The following PTPRJ variants were observed in gnomAD, a reference collection of about 807,000 sequenced individuals.
The protein encoded by PTPRJ is receptor-type tyrosine-protein phosphatase eta.
PTPRJ carries 129 observed loss-of-function variants against 141.3 expected under a neutral mutation model. The ratio of observed to expected loss-of-function variants is 0.91; its 90% CI spans 0.79 to 1.06. PTPRJ has a LOEUF of 1.06. PTPRJ is among the 50% of genes least tolerant of loss of function. The pLI is 0.00. For missense variants in PTPRJ, 1,601 were observed against 1,679.7 expected, an observed-to-expected ratio of 0.95 and a Z score of 0.82; for synonymous variants, 610 against 640.5, an observed-to-expected ratio of 0.95 and a Z score of 0.72.
rs368874637 is a variant in PTPRJ at position 48,008,494 on chromosome 11, G to A, written c.96+27486G>A. On this transcript the variant is annotated intron_variant, in intron 1 of 24. Coordinates refer to ENST00000418331, the MANE Select transcript of PTPRJ (RefSeq NM_002843.4). Reference sequence around the variant, plus strand: ...AGGCTGGTCTTGAACTTCTGACCTCGTGATCCAACTGCCTCGGCCTCCCAA... The same window carrying A: ...AGGCTGGTCTTGAACTTCTGACCTCATGATCCAACTGCCTCGGCCTCCCAA... 7.9e-5 allele frequency among the ~76,000 whole-genome samples: 12 copies of A among 151,260 alleles called. No individual in the cohort carries two copies. In the East Asian group the frequency reaches 1.6e-3, roughly 20 times the overall value.
chr11:48,006,218 T>C (rs1854616361), intron 1 of PTPRJ, among the ~76,000 whole-genome samples: 1 of 152,154 alleles, frequency 6.6e-6, no homozygotes, highest in Non-Finnish European at 1.5e-5. Context: ...GAGCATCACT[T>C]TCCTCATCTG....
At chr11:48,003,219 C>T (rs972515451) in intron 1 of PTPRJ, among the ~76,000 whole-genome samples, 3 of 152,024 alleles carry the variant, frequency 2.0e-5, no homozygotes, top group Non-Finnish European at 4.4e-5. Context: ...TAGCCTTTTT[C>T]GTATTTAGAG....
chr11:48,154,024 C>T, intron 19 of PTPRJ, 138 bp downstream of exon 19: 1 of 692,708 alleles, frequency 1.4e-6, no homozygotes, highest in Non-Finnish European at 2.6e-6. Flanking sequence ...CCACAACCAT[C>T]CATTATTCAC....
At chr11:48,095,122 G>C (rs1012020541) in intron 1 of PTPRJ, among the ~76,000 whole-genome samples, 1 of 152,238 alleles carries the variant, frequency 6.6e-6, no homozygotes, top group Non-Finnish European at 1.5e-5. Context: ...ATTCTGTCCA[G>C]TGTCTATTCA....
chr11:48,038,592 AG>A (rs1195582843), intron 1 of PTPRJ, among the ~76,000 whole-genome samples: 1 of 151,902 alleles, frequency 6.6e-6, no homozygotes, highest in Admixed American at 6.6e-5. Context: ...CCCGGATTCA[AG>A]TGAATCTTCT....
chr11:48,116,129 T>C (rs1398434293), intron 3 of PTPRJ, among the ~76,000 whole-genome samples: 2 of 147,640 alleles, frequency 1.4e-5, no homozygotes, highest in African/African-American at 4.9e-5. Flanking sequence ...AGTGCGTGAA[T>C]GGGTTAAAAA....
Position 48,101,758 on chromosome 11 carries a change from C to T in PTPRJ, c.97-8300C>T, listed in dbSNP as rs569458825. Among the ~76,000 whole-genome samples, 7 of 152,236 alleles carry T rather than the reference C, an allele frequency of 4.6e-5. No individual in the cohort carries two copies. The South Asian group carries it at 6.2e-4, about 14-fold the overall frequency. On this transcript the variant is annotated intron_variant, in intron 1 of 24. Transcript: ENST00000418331. The stretch of plus-strand genomic sequence containing the variant: ...GTTTTTATCCGTATTCTAAGGTGGA[C>T]GAGCGGCGCAGGAGAGAACTGGTAG...
rs773858353 is a variant in PTPRJ at position 48,119,969 on chromosome 11, C to T, written c.353-1034C>T. ...AACCCTGATGGCTTCCACTGGTTTA[C>T]GATCTTGTACATCTAAGATGATGAA... On this transcript the variant is annotated intron_variant, in intron 3 of 24. Transcript: ENST00000418331. Among the ~76,000 whole-genome samples the T allele has an allele frequency of 3.9e-5, 6 of 152,136 alleles. No homozygotes were observed. The South Asian group carries it at 8.3e-4, about 21-fold the overall frequency.
chr11:48,017,695 C>G (rs577371110), intron 1 of PTPRJ, among the ~76,000 whole-genome samples: 3 of 152,212 alleles, frequency 2.0e-5, no homozygotes, highest in African/African-American at 7.2e-5. Context: ...CTGCATGCAC[C>G]GTGTTTGTGG....
Position 48,139,498 on chromosome 11 carries a change from T to C in PTPRJ, c.2165T>C (p.Met722Thr), listed in dbSNP as rs1590549504. 6.2e-7 allele frequency: 1 copy of C among 1,613,834 alleles called. No individual in the cohort carries two copies. Among genetic ancestry groups the C allele is most frequent in the Non-Finnish European group, 8.5e-7 (1 of 1,179,694 alleles). Residue 722 changes from methionine (M) to threonine (T), a missense_variant, in exon 11 of 25, where the codon ATG (methionine) becomes ACG (threonine). Met to Thr is a moderately conservative substitution (Grantham distance 81). Transcript: ENST00000418331. Reference protein sequence around the residue: ...RKSFCTDPASMASFDCEVVPK... With the variant: ...RKSFCTDPASTASFDCEVVPK... Reference sequence around the variant, plus strand: ...ACTTGCTTTGCAGATCCTGCGTCCATGGCCTCCTTCGACTGCGAAGTGGTC... The same window carrying C: ...ACTTGCTTTGCAGATCCTGCGTCCACGGCCTCCTTCGACTGCGAAGTGGTC...
At chr11:48,092,402 A>C (rs748030816) in intron 1 of PTPRJ, among the ~76,000 whole-genome samples, 13 of 151,566 alleles carry the variant, frequency 8.6e-5, no homozygotes, top group Middle Eastern at 3.4e-3. Flanking sequence ...TAAGGGTAGC[A>C]TCTTACTTAC....
At chr11:48,161,218 G>C (rs1408715305) in intron 22 of PTPRJ, among the ~76,000 whole-genome samples, 2 of 148,670 alleles carry the variant, frequency 1.3e-5, no homozygotes, top group Non-Finnish European at 3.0e-5. Context: ...GGGATGGGTA[G>C]ACTATATAAT....
intron 18 of PTPRJ, among the ~76,000 whole-genome samples, chr11:48,151,668 A>G (rs566312944): frequency 7.7e-5 from 11 of 142,478 alleles, no homozygotes; most frequent in South Asian, 6.7e-4. Flanking sequence ...TCATTGTTCA[A>G]TTCCCACCTA....
Position 48,142,895 on chromosome 11 carries a change from A to ATGTTTTGTTT in PTPRJ, c.2444-12_2444-3dup, listed in dbSNP as rs759176383. 4 of 1,602,698 alleles carry ATGTTTTGTTT rather than the reference A, an allele frequency of 2.5e-6. No homozygotes were observed. The African/African-American group carries it at 4.0e-5, about 16-fold the overall frequency. ...CTTTGGTTTTCAATATTGGGTGATCATGTTTTGTTTTGTTTTGTTTTAGAT... is the reference window on the plus strand; with the variant it reads ...CTTTGGTTTTCAATATTGGGTGATCATGTTTTGTTTTGTTTTGTTTTGTTTTGTTTTAGAT... On this transcript the variant is annotated intron_variant, in intron 11 of 24. Transcript: ENST00000418331.
intron 1 of PTPRJ, among the ~76,000 whole-genome samples, chr11:48,016,442 T>C (rs756034734): frequency 2.0e-4 from 30 of 152,260 alleles, no homozygotes; most frequent in Non-Finnish European, 3.8e-4. Context: ...AAACTCTGGC[T>C]TGCTGGCATT....
chr11:47,988,685 G>A (rs1198041347), intron 1 of PTPRJ, among the ~76,000 whole-genome samples: 4 of 152,034 alleles, frequency 2.6e-5, no homozygotes, highest in African/African-American at 9.7e-5. Flanking sequence ...TAAATTTCTA[G>A]TTTCAGGATT....
intron 11 of PTPRJ, among the ~76,000 whole-genome samples, chr11:48,142,331 T>C (rs1590552330): frequency 6.6e-6 from 1 of 152,334 alleles, no homozygotes; most frequent in East Asian, 1.9e-4. Context: ...ATTCCTGGTC[T>C]TTGATTGTTC....
In PTPRJ at chr11:48,150,152, A is replaced by C; in HGVS notation, c.3107A>C (p.Asp1036Ala). 1 of 1,614,060 alleles carries C rather than the reference A, an allele frequency of 6.2e-7. No homozygotes were observed. The stretch of plus-strand genomic sequence containing the variant: ...GCCTACTTCAAGAAGCAGCAAGCTG[A>C]CTCCAACTGTGGGTTCGCAGAGGAA... ...FEAYFKKQQA[D>A]SNCGFAEEYE... Residue 1036 changes from aspartate to alanine, a missense_variant, in exon 18 of 25, where the codon GAC becomes GCC. Transcript: ENST00000418331.
chr11:48,149,502 A>G lies in PTPRJ; in HGVS notation c.3041+14A>G. 2 of 1,446,912 alleles carry G rather than the reference A, an allele frequency of 1.4e-6. No individual in the cohort carries two copies. The highest frequency in any genetic ancestry group is 2.5e-5 in the South Asian group (2 of 79,834). 89.6% of individuals were successfully genotyped at this position (1,446,912 alleles called of 1,614,324 possible). The stretch of plus-strand genomic sequence containing the variant: ...TTCTCAAATTAAGTAAGTCTCTCAA[A>G]TTATGAGCTTTATTTTAAATCCTCC... On this transcript the variant is annotated intron_variant, in intron 16 of 24. Coordinates refer to ENST00000418331, the MANE Select transcript of PTPRJ (RefSeq NM_002843.4).
Sources: gnomAD v4.1 joint callset for allele counts (sites outside exome capture counted in the v4.1 genomes callset) on GRCh38, gnomAD v4.1.1 for gene constraint, MANE v1.5 for transcripts, NCBI Gene and HGNC (gene_info 2026-07-23, HGNC 2026-07-21) for gene names.